GPC6: variants seen among roughly 807,000 people sequenced by gnomAD.
GPC6 encodes the protein glypican 6, also known as glypican-6.
Under a neutral mutation model 55.2 loss-of-function variants are expected in GPC6, and 14 were observed. The observed-to-expected ratio is 0.25, with a 90% CI of 0.17 to 0.40. The LOEUF (loss-of-function observed/expected upper bound fraction) is 0.40. GPC6 is among the 10% of genes least tolerant of loss of function. GPC6 has a pLI of 1.00. For missense variants in GPC6, 641 were observed against 708.5 expected (o/e 0.90, Z 1.08); for synonymous variants, 278 against 259.6 (o/e 1.07, Z -0.68).
At position 94,134,644 on chromosome 13, in the gene GPC6, G is replaced by A. The variant is rs117478606; in HGVS notation, c.877+106750G>A. Among the ~76,000 whole-genome samples, 566 of 152,212 alleles carry A rather than the reference G, an allele frequency of 3.7e-3. 2 individuals carry two copies. Among genetic ancestry groups the A allele is most frequent in the Middle Eastern group, 0.024 (7 of 292 alleles). On this transcript the variant is annotated intron_variant, in intron 4 of 8. Coordinates refer to ENST00000377047, the MANE Select transcript of GPC6 (RefSeq NM_005708.5). Reference sequence around the variant, plus strand: ...TTGGACCATTTATAATAAAATTATGGAATGTGTTAAATAACCCTTAGAGAA... The same window carrying A: ...TTGGACCATTTATAATAAAATTATGAAATGTGTTAAATAACCCTTAGAGAA...
intron 1 of GPC6, among the ~76,000 whole-genome samples, chr13:93,499,055 CAA>C (rs944616835): frequency 6.6e-6 from 1 of 150,668 alleles, no homozygotes; most frequent in East Asian, 2.0e-4. Flanking sequence ...AGTAAGGAAA[CAA>C]AAATTAACAT....
At chr13:94,227,083 A>AT (rs1399789122) in intron 4 of GPC6, among the ~76,000 whole-genome samples, 7 of 152,212 alleles carry the variant, frequency 4.6e-5, no homozygotes, top group Admixed American at 1.3e-4. Context: ...ATTAGAGGAG[A>AT]TACTAACAAC....
intron 1 of GPC6, among the ~76,000 whole-genome samples, chr13:93,351,820 A>G (rs1270503132): frequency 1.3e-5 from 2 of 152,186 alleles, no homozygotes; most frequent in East Asian, 3.8e-4. Context: ...TAGCTGCTGC[A>G]TTTGTCTTCA....
chr13:93,785,582 T>A (rs1268031855), intron 2 of GPC6, among the ~76,000 whole-genome samples: 1 of 152,184 alleles, frequency 6.6e-6, no homozygotes, highest in African/African-American at 2.4e-5. Context: ...TGGGGAACTA[T>A]CAAACAGCTG....
chr13:93,592,702 A>C (rs927072551), intron 2 of GPC6, among the ~76,000 whole-genome samples: 2 of 151,998 alleles, frequency 1.3e-5, no homozygotes, highest in African/African-American at 4.8e-5. Context: ...CTATTAAACT[A>C]AAGAAACATA....
intron 3 of GPC6, among the ~76,000 whole-genome samples, chr13:93,868,525 C>A (rs1243664991): frequency 6.6e-6 from 1 of 151,742 alleles, no homozygotes; most frequent in African/African-American, 2.4e-5. Context: ...CCTCTCCTCA[C>A]GAGTGATATT....
At chr13:93,796,962 A>T (rs1477056328) in intron 2 of GPC6, among the ~76,000 whole-genome samples, 1 of 152,262 alleles carries the variant, frequency 6.6e-6, no homozygotes, top group Non-Finnish European at 1.5e-5. Flanking sequence ...TTTTTCAAAC[A>T]CAAAGGGATG....
intron 4 of GPC6, among the ~76,000 whole-genome samples, chr13:94,181,807 G>T (rs1320788493): frequency 6.6e-6 from 1 of 152,160 alleles, no homozygotes; most frequent in Non-Finnish European, 1.5e-5. Flanking sequence ...GGTTATAAAG[G>T]CAAATTAGCT....
At chr13:93,554,547 C>A (rs546805169) in intron 2 of GPC6, among the ~76,000 whole-genome samples, 2 of 152,320 alleles carry the variant, frequency 1.3e-5, no homozygotes, top group East Asian at 3.9e-4. Context: ...CAAACCCGAA[C>A]TTTGGCAAGA....
chr13:94,243,034 A>G (rs146738130), intron 4 of GPC6, among the ~76,000 whole-genome samples: 17 of 152,074 alleles, frequency 1.1e-4, no homozygotes, highest in African/African-American at 3.4e-4. Flanking sequence ...TATATCCAAG[A>G]GAATTGATCT....
At chr13:94,058,807 T>C (rs943191013) in intron 4 of GPC6, among the ~76,000 whole-genome samples, 3 of 152,172 alleles carry the variant, frequency 2.0e-5, no homozygotes, top group African/African-American at 7.2e-5. Context: ...GTTTGGTAGG[T>C]GAAGCCACAC....
intron 4 of GPC6, among the ~76,000 whole-genome samples, chr13:94,182,492 G>A (rs17791763): frequency 0.065 from 9,865 of 152,152 alleles, 364 homozygotes; most frequent in Middle Eastern, 0.071. Flanking sequence ...TAAAACTGTA[G>A]ATAATTGCAC....
At chr13:93,502,390 G>A (rs1187669873) in intron 1 of GPC6, among the ~76,000 whole-genome samples, 1 of 152,036 alleles carries the variant, frequency 6.6e-6, no homozygotes, top group Non-Finnish European at 1.5e-5. Flanking sequence ...ATTCCATATA[G>A]CCAATGGACT....
intron 4 of GPC6, among the ~76,000 whole-genome samples, chr13:94,260,823 C>T (rs538514162): frequency 5.5e-4 from 84 of 152,072 alleles, no homozygotes; most frequent in Admixed American, 1.4e-3. Context: ...ATGGTGGAGG[C>T]TGGGTTGAAG....
At chr13:94,394,127 A>C (rs1385162357) in intron 7 of GPC6, among the ~76,000 whole-genome samples, 1 of 152,224 alleles carries the variant, frequency 6.6e-6, no homozygotes, top group East Asian at 1.9e-4. Flanking sequence ...AAGGACACTC[A>C]CATTTATAAT....
chr13:94,194,405 G>A (rs1889497516), intron 4 of GPC6, among the ~76,000 whole-genome samples: 1 of 152,150 alleles, frequency 6.6e-6, no homozygotes, highest in Non-Finnish European at 1.5e-5. Flanking sequence ...GTATGTCTGT[G>A]TGTTTTTGCA....
At chr13:94,271,050 C>T (rs1048066713) in intron 4 of GPC6, among the ~76,000 whole-genome samples, 8 of 131,976 alleles carry the variant, frequency 6.1e-5, no homozygotes, top group South Asian at 2.6e-4. Flanking sequence ...AGTGCAGTGG[C>T]GCAATCTCGG....
chr13:93,755,286 TC>T (rs140597935), intron 2 of GPC6, among the ~76,000 whole-genome samples: 7,965 of 152,150 alleles, frequency 0.052, 484 homozygotes, highest in East Asian at 0.18. Context: ...GGAGGAAGCA[TC>T]CTCCTTCAGT....
chr13:93,626,752 A>G (rs1295427588), intron 2 of GPC6, among the ~76,000 whole-genome samples: 1 of 151,726 alleles, frequency 6.6e-6, no homozygotes, highest in Non-Finnish European at 1.5e-5. Flanking sequence ...CAGTGAGCCT[A>G]GATCACACCA....
Sources: gnomAD v4.1 joint callset for allele counts (sites outside exome capture counted in the v4.1 genomes callset) on GRCh38, gnomAD v4.1.1 for gene constraint, MANE v1.5 for transcripts, NCBI Gene and HGNC (gene_info 2026-07-23, HGNC 2026-07-21) for gene names.